ANKRD55: variants seen among roughly 807,000 people sequenced by gnomAD.
ANKRD55 encodes the protein ankyrin repeat domain 55.
Under a neutral mutation model 60.6 loss-of-function variants are expected in ANKRD55, and 41 were observed. That is an observed-to-expected ratio of 0.68 (90% CI 0.53 to 0.88). The LOEUF is 0.88. ANKRD55 is among the 40% of genes least tolerant of loss of function. The pLI is 0.00. For missense variants in ANKRD55, 732 were observed against 767.6 expected (o/e 0.95, Z 0.55); for synonymous variants, 264 against 290.3 (o/e 0.91, Z 0.92).
At chr5:56,139,172 A>G (rs1333449578) in intron 7 of ANKRD55, among the ~76,000 whole-genome samples, 3 of 152,180 alleles carry the variant, frequency 2.0e-5, no homozygotes, top group Admixed American at 1.3e-4. Context: ...CTAGAAAACT[A>G]AAGTCTTTAC....
chr5:56,162,821 G>T (rs918076405), intron 5 of ANKRD55, among the ~76,000 whole-genome samples: 1 of 151,948 alleles, frequency 6.6e-6, no homozygotes, highest in Non-Finnish European at 1.5e-5. Flanking sequence ...CTACAGGTGT[G>T]CACCATCACG....
chr5:56,149,382 A>AAAG (rs1757984957), intron 6 of ANKRD55, among the ~76,000 whole-genome samples: 1 of 152,196 alleles, frequency 6.6e-6, no homozygotes, highest in African/African-American at 2.4e-5. Flanking sequence ...ATTTTTAAAA[A>AAAG]AAGACTTTAG....
chr5:56,203,539 T>C (rs985511175), intron 2 of ANKRD55, among the ~76,000 whole-genome samples: 6 of 152,126 alleles, frequency 3.9e-5, no homozygotes, highest in African/African-American at 1.4e-4. Flanking sequence ...CCTGTGTCCA[T>C]GTGTTCTCAT....
chr5:56,199,751 C>T lies in ANKRD55; in HGVS notation c.59-16117G>A, dbSNP rs567871442. Among the ~76,000 whole-genome samples, 7 of 151,718 alleles carry T rather than the reference C, an allele frequency of 4.6e-5. No individual in the cohort carries two copies. In the East Asian group the frequency reaches 1.4e-3, roughly 29 times the overall value. ...TAAAAGTACAAAAAAATTAGCTGGG[C>T]GTGGTGGCGGGCGCCTGTAGTCCCA... is the stretch of plus-strand genomic sequence containing the variant. On this transcript the variant is annotated intron_variant, in intron 2 of 11. Transcript: ENST00000341048.
chr5:56,103,468 T>A (rs192363097), intron 10 of ANKRD55, among the ~76,000 whole-genome samples: 13 of 152,312 alleles, frequency 8.5e-5, no homozygotes, highest in Non-Finnish European at 1.8e-4. Flanking sequence ...AAATCCATTT[T>A]AAAATTGACT....
At chr5:56,177,378 C>T (rs867539256) in intron 3 of ANKRD55, among the ~76,000 whole-genome samples, 54 of 152,034 alleles carry the variant, frequency 3.6e-4, no homozygotes, top group African/African-American at 1.0e-3. Flanking sequence ...TTCTTCCTGT[C>T]AACAAGTGGT....
chr5:56,166,951 A>G (rs909330118), intron 5 of ANKRD55, among the ~76,000 whole-genome samples: 1 of 152,264 alleles, frequency 6.6e-6, no homozygotes, highest in African/African-American at 2.4e-5. Context: ...ATGTCAAAAT[A>G]TGGCCATTAA....
chr5:56,229,673 T>C (rs1760202246), intron 2 of ANKRD55, among the ~76,000 whole-genome samples: 1 of 152,158 alleles, frequency 6.6e-6, no homozygotes, highest in Admixed American at 6.5e-5. Context: ...AAAATGCATG[T>C]GGAGGGGTTC....
At chr5:56,152,705 T>A (rs1758086712) in intron 6 of ANKRD55, among the ~76,000 whole-genome samples, 1 of 152,126 alleles carries the variant, frequency 6.6e-6, no homozygotes, top group Admixed American at 6.6e-5. Context: ...TTAACCGCAG[T>A]GTGGATAACT....
intron 10 of ANKRD55, chr5:56,108,186 ACTT>A (rs1358654054): frequency 2.0e-5 from 3 of 152,016 alleles, no homozygotes; most frequent in Non-Finnish European, 4.4e-5. Flanking sequence ...ATAGCAATAA[ACTT>A]CTATGTTGTT....
chr5:56,148,782 G>T (rs951014543), intron 6 of ANKRD55, among the ~76,000 whole-genome samples: 8 of 151,864 alleles, frequency 5.3e-5, no homozygotes, highest in Admixed American at 1.3e-4. Context: ...CACACAGAGA[G>T]AAATGTTGAT....
intron 5 of ANKRD55, among the ~76,000 whole-genome samples, chr5:56,165,153 T>A (rs1758417480): frequency 6.6e-6 from 1 of 152,218 alleles, no homozygotes; most frequent in Non-Finnish European, 1.5e-5. Flanking sequence ...TATAAAAACC[T>A]GAGCACAAGG....
At chr5:56,132,132 C>T (rs116319021) in intron 7 of ANKRD55, among the ~76,000 whole-genome samples, 281 of 151,728 alleles carry the variant, frequency 1.9e-3, no homozygotes, top group African/African-American at 6.5e-3. Flanking sequence ...ATAAAGTATT[C>T]GCACTACCCA....
chr5:56,128,673 ACCTTTCTAAGC>A (rs1320946819), intron 7 of ANKRD55, among the ~76,000 whole-genome samples: 3 of 152,182 alleles, frequency 2.0e-5, no homozygotes, highest in Admixed American at 1.3e-4. Flanking sequence ...TGGGCCTGGC[ACCTTTCTAAGC>A]CATTTCATGT....
rs1368993128 is a variant in ANKRD55, at chr5:56,127,118, A to G, written c.613-12T>C. ...ATCCTATTTCCACTCTGGAAAAGAG[A>G]GTCAAAGAAAGCCCATTATGTACAA... On this transcript the variant is annotated splice_polypyrimidine_tract_variant and intron_variant, in intron 7 of 11. Coordinates refer to ENST00000341048, the MANE Select transcript of ANKRD55 (RefSeq NM_024669.3). 3 of 1,590,830 alleles carry G rather than the reference A, an allele frequency of 1.9e-6. No homozygotes were observed. Among genetic ancestry groups the G allele is most frequent in the Admixed American group, 1.7e-5 (1 of 57,856 alleles).
intron 2 of ANKRD55, among the ~76,000 whole-genome samples, chr5:56,207,170 T>G (rs1759533136): frequency 6.6e-6 from 1 of 152,172 alleles, no homozygotes. Flanking sequence ...ATTATGAGCA[T>G]GTAACAACTA....
intron 2 of ANKRD55, among the ~76,000 whole-genome samples, chr5:56,205,484 C>T (rs968516979): frequency 5.3e-5 from 8 of 152,198 alleles, no homozygotes; most frequent in African/African-American, 1.4e-4. Flanking sequence ...CAAGCTAGTG[C>T]GCTCCTTATC....
intron 2 of ANKRD55, among the ~76,000 whole-genome samples, chr5:56,188,800 A>C (rs970569372): frequency 2.6e-5 from 4 of 152,148 alleles, no homozygotes; most frequent in Admixed American, 2.6e-4. Flanking sequence ...ATTCGTTTGG[A>C]TTTTCTTTTT....
intron 2 of ANKRD55, among the ~76,000 whole-genome samples, chr5:56,199,596 A>C (rs1759312194): frequency 1.3e-5 from 2 of 151,912 alleles, no homozygotes; most frequent in Non-Finnish European, 2.9e-5. Flanking sequence ...AAAAAAAAAA[A>C]AAACTTGGGT....
Sources: allele counts gnomAD v4.1 joint callset (sites outside exome capture counted in the v4.1 genomes callset), GRCh38; gene constraint gnomAD v4.1.1; transcripts MANE v1.5; gene names NCBI Gene and HGNC (gene_info 2026-07-23, HGNC 2026-07-21).